The following ELMOD3 variants were observed in gnomAD, a reference collection of about 807,000 sequenced individuals.
ELMOD3 encodes the protein ELMO domain containing 3, also known as ELMO domain-containing protein 3.
ELMOD3 carries 36 observed loss-of-function variants against 47.4 expected under a neutral mutation model. The observed-to-expected ratio is 0.76, with a 90% CI of 0.58 to 1.00. The LOEUF (loss-of-function observed/expected upper bound fraction) is 1.00, where lower values mean the gene tolerates loss of function less well. ELMOD3 is among the 50% of genes least tolerant of loss of function. The pLI is 0.00. For missense variants in ELMOD3, 404 were observed against 463.8 expected, an observed-to-expected ratio of 0.87 and a Z score of 1.18; for synonymous variants, 149 against 183.5, an observed-to-expected ratio of 0.81 and a Z score of 1.52.
At chr2:85,368,970 AG>A (rs1684595343) in intron 7 of ELMOD3, among the ~76,000 whole-genome samples, 1 of 152,212 alleles carries the variant, frequency 6.6e-6, no homozygotes, top group Non-Finnish European at 1.5e-5. Flanking sequence ...CCATGGAGAA[AG>A]GGCTGCCATC....
In ELMOD3 at chr2:85,363,095, A is replaced by G. The variant is rs758488759; in HGVS notation, c.130-2A>G. The G allele has an allele frequency of 6.2e-6, 10 of 1,603,044 alleles. No individual in the cohort carries two copies. The highest frequency in any genetic ancestry group is 5.5e-5 in the South Asian group (5 of 90,704). On this transcript the variant is annotated splice_acceptor_variant, in intron 5 of 13. Coordinates refer to ENST00000409013, the MANE Select transcript of ELMOD3 (RefSeq NM_001135022.2). LOFTEE classifies it high-confidence loss of function. ...CAAGCTAAAGGTCAGCTGCCTCTAC[A>G]GATCTCAGAGTTGAAGAACCATGGC...
rs1684666340 is a variant in ELMOD3, at chr2:85,369,847, G to A, written c.360+17G>A. 1 of 1,612,892 alleles carries A rather than the reference G, an allele frequency of 6.2e-7. No individual in the cohort carries two copies. The highest frequency in any genetic ancestry group is 1.3e-5 in the African/African-American group (1 of 74,970). On this transcript the variant is annotated intron_variant, in intron 8 of 13. Coordinates refer to ENST00000409013, the MANE Select transcript of ELMOD3 (RefSeq NM_001135022.2). ...CCCTTCAAGGTATGAGGGTAGCAGG[G>A]TTTGGAGTCTCAAGCAAAGTGCCTT...
At position 85,371,530 on chromosome 2, in the gene ELMOD3, A is replaced by C; in HGVS notation, c.575A>C (p.His192Pro). 3 of 1,614,222 alleles carry C rather than the reference A, an allele frequency of 1.9e-6. No individual in the cohort carries two copies. Among genetic ancestry groups the C allele is most frequent in the Non-Finnish European group, 2.5e-6 (3 of 1,180,024 alleles). The change falls in exon 10 of 14, where the codon CAT (histidine) becomes CCT (proline). Residue 192 changes from histidine to proline, a missense_variant. Transcript: ENST00000409013. Reference protein sequence around the residue: ...LTGSKFDCALHGNHWEDLGFQ... With the variant: ...LTGSKFDCALPGNHWEDLGFQ... ...GGCTCCAAGTTTGACTGTGCCCTTC[A>C]TGGAAACCACTGGGAGGACCTGGGC...
Position 85,390,237 on chromosome 2 carries a change from C to T in ELMOD3, c.915C>T (p.Thr305=). ...ATGTCTGGAGGACACAGCGGAAGAC[C>T]ATCTCAGACTCGGGCTTTGTCCTCA... ...LAHVWRTQRK[T]ISDSGFVLKE... is the part of the protein sequence containing the mutation. The change falls in exon 13 of 14, where the codon ACC becomes ACT. Residue 305 remains threonine (T), a synonymous_variant. Coordinates refer to ENST00000409013, the MANE Select transcript of ELMOD3 (RefSeq NM_001135022.2). The T allele has an allele frequency of 1.9e-6, 3 of 1,614,190 alleles. No individual in the cohort carries two copies. Among genetic ancestry groups the T allele is most frequent in the Middle Eastern group, 1.6e-4 (1 of 6,062 alleles).
chr2:85,371,411 G>A (rs770524326), intron 9 of ELMOD3, 29 bp from the exon 10 acceptor site: 9 of 1,613,678 alleles, frequency 5.6e-6, no homozygotes, highest in Non-Finnish European at 5.9e-6. Context: ...GGGCAATCTG[G>A]CAGAGAGTGT....
intron 11 of ELMOD3, 43 bp from the exon 12 acceptor site, chr2:85,389,706 AGT>A (rs1558721649): frequency 1.3e-6 from 2 of 1,558,538 alleles, no homozygotes; most frequent in Middle Eastern, 1.7e-4. Flanking sequence ...CAGGAAACAC[AGT>A]GAGAGCTGGA....
intron 11 of ELMOD3, among the ~76,000 whole-genome samples, chr2:85,382,646 G>C (rs560304552): frequency 6.6e-6 from 1 of 151,716 alleles, no homozygotes; most frequent in Non-Finnish European, 1.5e-5. Flanking sequence ...CTCCCGAGTA[G>C]CTGGGACTAC....
intron 4 of ELMOD3, 125 bp from the exon 5 acceptor site, chr2:85,362,061 A>G (rs1285196882): frequency 2.0e-5 from 13 of 648,264 alleles, no homozygotes; most frequent in South Asian, 1.4e-4. Context: ...AAGTTTCCCT[A>G]TGTAACAAAC....
rs143744340 is a variant in ELMOD3, at chr2:85,362,084, C to A, written c.55-102C>A. The A allele has an allele frequency of 2.3e-4, 176 of 751,970 alleles. 1 individual carries two copies. In the East Asian group the frequency reaches 4.3e-3, roughly 18 times the overall value. The allele number at this position is 751,970 out of a possible 1,614,324, so 46.6% of individuals were successfully genotyped here. A position where few individuals can be genotyped will look rare whatever the true frequency, so the allele number is the denominator to read the frequency against. On this transcript the variant is annotated intron_variant, in intron 4 of 13. Coordinates refer to ENST00000409013, the MANE Select transcript of ELMOD3 (RefSeq NM_001135022.2). ...CTATGTAACAAACCTGCACATGTACCCCTGAACTTAAAAGTTAAAAAAAAA... is the reference window on the plus strand; with the variant it reads ...CTATGTAACAAACCTGCACATGTACACCTGAACTTAAAAGTTAAAAAAAAA...
chr2:85,356,341 C>T (rs1683561596), intron 3 of ELMOD3: 5 of 152,302 alleles, frequency 3.3e-5, no homozygotes, highest in Admixed American at 3.3e-4. Context: ...CTGAGCACTT[C>T]AGCTAAGACC....
At chr2:85,358,884 CTG>C (rs1356777526) in intron 4 of ELMOD3, among the ~76,000 whole-genome samples, 3 of 152,222 alleles carry the variant, frequency 2.0e-5, no homozygotes, top group Non-Finnish European at 2.9e-5. Context: ...TTGGGTATAA[CTG>C]TGAAAATGGT....
At chr2:85,373,122 G>C (rs1277005820) in intron 10 of ELMOD3, among the ~76,000 whole-genome samples, 1 of 151,638 alleles carries the variant, frequency 6.6e-6, no homozygotes. Flanking sequence ...AGGCATGGGG[G>C]TGTGCACCTG....
chr2:85,369,907 A>T, intron 8 of ELMOD3, 77 bp downstream of exon 8: 2 of 1,554,616 alleles, frequency 1.3e-6, no homozygotes, highest in Admixed American at 3.7e-5. Flanking sequence ...CCACCAGGAC[A>T]GGGCATTGGG....
At chr2:85,380,514 G>A (rs1193299273) in intron 11 of ELMOD3, among the ~76,000 whole-genome samples, 1 of 152,204 alleles carries the variant, frequency 6.6e-6, no homozygotes, top group East Asian at 1.9e-4. Flanking sequence ...AGAGTTTTAA[G>A]ATGATGATTA....
At chr2:85,385,115 G>T (rs190141595) in intron 11 of ELMOD3, among the ~76,000 whole-genome samples, 1 of 152,286 alleles carries the variant, frequency 6.6e-6, no homozygotes, top group Admixed American at 6.5e-5. Context: ...CTTGGAGGTG[G>T]GAATGTTAGC....
At chr2:85,370,557 T>A (rs1467818639) in intron 8 of ELMOD3, among the ~76,000 whole-genome samples, 1 of 152,172 alleles carries the variant, frequency 6.6e-6, no homozygotes, top group African/African-American at 2.4e-5. Flanking sequence ...AGTTGTTTTA[T>A]AGGACCCAGA....
In ELMOD3 at chr2:85,369,814, A is replaced by T. The variant is rs1558701789; in HGVS notation, c.344A>T (p.Asp115Val). 6.2e-7 allele frequency: 1 copy of T among 1,614,024 alleles called. No individual in the cohort carries two copies. Among genetic ancestry groups the T allele is most frequent in the Non-Finnish European group, 8.5e-7 (1 of 1,179,936 alleles). Reference protein sequence around the residue: ...SEALQHFQTVDLSPFKKRIQP... With the variant: ...SEALQHFQTVVLSPFKKRIQP... The stretch of plus-strand genomic sequence containing the variant: ...GCCCTGCAGCACTTCCAGACTGTGG[A>T]CCTTTCCCCCTTCAAGGTATGAGGG... The change falls in exon 8 of 14, where the codon GAC (aspartate) becomes GTC (valine). Residue 115 changes from aspartate to valine, a missense_variant. Physicochemically the swap from Asp to Val is radical, Grantham distance 152. Transcript: ENST00000409013.
chr2:85,368,770 C>G lies in ELMOD3; in HGVS notation c.268+16C>G. 6.2e-7 allele frequency: 1 copy of G among 1,613,930 alleles called. No individual in the cohort carries two copies. The highest frequency in any genetic ancestry group is 8.5e-7 in the Non-Finnish European group (1 of 1,179,932). On this transcript the variant is annotated intron_variant, in intron 7 of 13. Transcript: ENST00000409013. ...CCAGAGACAGGTAACTGTACGAATGCTGCTGTCTCCCCATAGCCCCTCTGC... is the reference window on the plus strand; with the variant it reads ...CCAGAGACAGGTAACTGTACGAATGGTGCTGTCTCCCCATAGCCCCTCTGC...
intron 5 of ELMOD3, 34 bp downstream of exon 5, chr2:85,362,294 A>G (rs1225936464): frequency 2.3e-6 from 3 of 1,304,746 alleles, no homozygotes; most frequent in Admixed American, 3.4e-5. Context: ...ACCTTCTGCC[A>G]GGGCTTTTGT....
Sources: gnomAD v4.1 joint callset for allele counts (sites outside exome capture counted in the v4.1 genomes callset) on GRCh38, gnomAD v4.1.1 for gene constraint, MANE v1.5 for transcripts, NCBI Gene and HGNC (gene_info 2026-07-23, HGNC 2026-07-21) for gene names.